The following EFL1 variants were observed in gnomAD, a reference collection of about 807,000 sequenced individuals.
EFL1 encodes elongation factor-like GTPase 1.
Under a neutral mutation model 126.7 loss-of-function variants are expected in EFL1, and 76 were observed. The observed-to-expected ratio is 0.60, with a 90% CI of 0.50 to 0.73. The LOEUF is 0.73. EFL1 is among the 30% of genes least tolerant of loss of function. EFL1 has a pLI of 0.00. For synonymous variants in EFL1, 410 were observed against 448.4 expected, an observed-to-expected ratio of 0.91 and a Z score of 1.08; for missense variants, 1,128 against 1,343.2, an observed-to-expected ratio of 0.84 and a Z score of 2.50.
intron 18 of EFL1, among the ~76,000 whole-genome samples, chr15:82,146,237 GA>G (rs1258401630): frequency 2.0e-5 from 3 of 151,924 alleles, no homozygotes; most frequent in Non-Finnish European, 4.4e-5. Context: ...AATCTATGTA[GA>G]AAAAACTAAC....
intron 7 of EFL1, among the ~76,000 whole-genome samples, chr15:82,233,484 T>C (rs1166506580): frequency 2.6e-5 from 4 of 152,176 alleles, no homozygotes; most frequent in African/African-American, 7.2e-5. Flanking sequence ...CACACCCTTT[T>C]GCCCTCCAAG....
At position 82,211,583 on chromosome 15, in the gene EFL1, A is replaced by ACACAC. The variant is rs1567064816; in HGVS notation, c.1750+3133_1750+3134insGTGTG. On this transcript the variant is annotated intron_variant, in intron 15 of 19. Coordinates refer to ENST00000268206, the MANE Select transcript of EFL1 (RefSeq NM_024580.6). ...ACACACACACACACACACACACACT[A>ACACAC]GACACATACTAGACACACACACACA... Among the ~76,000 whole-genome samples, 332 of 56,244 alleles carry ACACAC rather than the reference A, an allele frequency of 5.9e-3. 10 individuals carry two copies. Among genetic ancestry groups the ACACAC allele is most frequent in the African/African-American group, 0.039 (313 of 8,046 alleles). 36.9% of individuals were successfully genotyped at this position (56,244 alleles called of 152,430 possible). A position where few individuals can be genotyped will look rare whatever the true frequency, so the allele number is the denominator to read the frequency against.
Position 82,180,992 on chromosome 15 carries a change from T to C in EFL1, c.1751-17008A>G, listed in dbSNP as rs148326269. Among the ~76,000 whole-genome samples the C allele has an allele frequency of 8.1e-3, 1,235 of 152,264 alleles. 18 individuals carry two copies. The highest frequency in any genetic ancestry group is 0.028 in the African/African-American group (1,180 of 41,554). ...ATCCGTCTGCCTCGGCCTCCTGAAG[T>C]GCTGGGATTACAGGTGTGAGCCACC... On this transcript the variant is annotated intron_variant, in intron 15 of 19. Coordinates refer to ENST00000268206, the MANE Select transcript of EFL1 (RefSeq NM_024580.6).
chr15:82,251,895 G>GA (rs2075025245), intron 4 of EFL1, among the ~76,000 whole-genome samples: 1 of 152,102 alleles, frequency 6.6e-6, no homozygotes, highest in Non-Finnish European at 1.5e-5. Flanking sequence ...TAAATATTTT[G>GA]AAAAGTGCAA....
At chr15:82,246,330 C>A (rs903260130) in intron 4 of EFL1, among the ~76,000 whole-genome samples, 3 of 151,930 alleles carry the variant, frequency 2.0e-5, no homozygotes, top group Non-Finnish European at 2.9e-5. Flanking sequence ...AATAAGAAAC[C>A]CTGGAGTAAA....
intron 15 of EFL1, among the ~76,000 whole-genome samples, chr15:82,188,409 A>T (rs1370415137): frequency 1.3e-5 from 2 of 152,068 alleles, no homozygotes; most frequent in African/African-American, 4.8e-5. Flanking sequence ...AGTTTTCTTC[A>T]TTCCTTTCTA....
intron 10 of EFL1, among the ~76,000 whole-genome samples, chr15:82,227,975 AAAG>A (rs1427984645): frequency 1.3e-5 from 2 of 152,258 alleles, no homozygotes; most frequent in Non-Finnish European, 2.9e-5. Flanking sequence ...TAGTCTTCCT[AAAG>A]AAGTTCACTA....
chr15:82,200,933 G>A (rs1271960467), intron 15 of EFL1, among the ~76,000 whole-genome samples: 2 of 151,998 alleles, frequency 1.3e-5, no homozygotes, highest in African/African-American at 2.4e-5. Context: ...CCCAGGCCAG[G>A]GTGCAGTGGC....
chr15:82,259,280 A>G, intron 2 of EFL1, 125 bp from the exon 3 acceptor site: 2 of 785,306 alleles, frequency 2.5e-6, no homozygotes, highest in Non-Finnish European at 4.3e-6. Flanking sequence ...TACCTATGCT[A>G]GGTGACAAAA....
intron 15 of EFL1, among the ~76,000 whole-genome samples, chr15:82,203,533 C>T (rs1015867606): frequency 6.6e-6 from 1 of 152,224 alleles, no homozygotes; most frequent in South Asian, 2.1e-4. Flanking sequence ...CACCACCACG[C>T]CCGGCAAATT....
chr15:82,257,219 T>C lies in EFL1; in HGVS notation c.159+1869A>G, dbSNP rs546759426. On this transcript the variant is annotated intron_variant, in intron 3 of 19. Coordinates refer to ENST00000268206, the MANE Select transcript of EFL1 (RefSeq NM_024580.6). ...TTATGTTTTCCAGACATTTTTCCAT[T>C]TTAGCACTTTTAAGTTTACTGGCAC... 1.1e-4 allele frequency among the ~76,000 whole-genome samples: 17 copies of C among 152,322 alleles called. No individual in the cohort carries two copies. In the South Asian group the frequency reaches 3.1e-3, roughly 28 times the overall value.
At chr15:82,261,576 C>G (rs1399821425) in intron 2 of EFL1, 112 bp downstream of exon 2, 9 of 1,048,552 alleles carry the variant, frequency 8.6e-6, no homozygotes, top group Non-Finnish European at 1.2e-5. Context: ...AGAAAGAAGA[C>G]TTGCTTCTTA....
intron 18 of EFL1, among the ~76,000 whole-genome samples, chr15:82,142,431 AGTG>A (rs1317995428): frequency 1.3e-5 from 2 of 152,144 alleles, no homozygotes; most frequent in Non-Finnish European, 2.9e-5. Context: ...TGGAGGCTGC[AGTG>A]GACTATGATT....
chr15:82,249,891 C>G (rs1251661565), intron 4 of EFL1, among the ~76,000 whole-genome samples: 3 of 152,072 alleles, frequency 2.0e-5, no homozygotes, highest in African/African-American at 7.3e-5. Flanking sequence ...TTACTTTAAA[C>G]TAGAATAAGA....
At position 82,185,473 on chromosome 15, in the gene EFL1, T is replaced by A. The variant is rs1231657973; in HGVS notation, c.1751-21489A>T. Among the ~76,000 whole-genome samples, 5 of 150,912 alleles carry A rather than the reference T, an allele frequency of 3.3e-5. No individual in the cohort carries two copies. In the East Asian group the frequency reaches 9.8e-4, roughly 30 times the overall value. On this transcript the variant is annotated intron_variant, in intron 15 of 19. Transcript: ENST00000268206. Reference sequence around the variant, plus strand: ...TACTTTAAAGACATTCAGAAAAAAATTTTAAAAAATTAGAACTTTTCCCAT... The same window carrying A: ...TACTTTAAAGACATTCAGAAAAAAAATTTAAAAAATTAGAACTTTTCCCAT...
At chr15:82,149,383 A>G (rs1235481990) in intron 18 of EFL1, among the ~76,000 whole-genome samples, 7 of 152,200 alleles carry the variant, frequency 4.6e-5, no homozygotes, top group Admixed American at 4.6e-4. Flanking sequence ...ACAGAGTGGG[A>G]AAACATAACT....
chr15:82,169,165 T>C (rs1451749764), intron 15 of EFL1, among the ~76,000 whole-genome samples: 1 of 152,104 alleles, frequency 6.6e-6, no homozygotes, highest in East Asian at 1.9e-4. Context: ...AGAAATTCCA[T>C]CTGGGGCTTG....
At chr15:82,191,323 C>G (rs915568466) in intron 15 of EFL1, among the ~76,000 whole-genome samples, 6 of 152,160 alleles carry the variant, frequency 3.9e-5, no homozygotes, top group African/African-American at 1.4e-4. Context: ...TTTCATCACT[C>G]AAATGTAGCC....
chr15:82,181,997 C>A (rs890122378), intron 15 of EFL1, among the ~76,000 whole-genome samples: 1 of 152,042 alleles, frequency 6.6e-6, no homozygotes, highest in Non-Finnish European at 1.5e-5. Flanking sequence ...CGGTGGCTCA[C>A]GCCTGTAATC....
Sources: gnomAD v4.1 joint callset for allele counts (sites outside exome capture counted in the v4.1 genomes callset) on GRCh38, gnomAD v4.1.1 for gene constraint, MANE v1.5 for transcripts, NCBI Gene and HGNC (gene_info 2026-07-23, HGNC 2026-07-21) for gene names.